The following PCTP variants were observed in gnomAD, a reference collection of about 807,000 sequenced individuals.
The protein encoded by PCTP is phosphatidylcholine transfer protein.
PCTP carries 27 observed loss-of-function variants against 31.0 expected under a neutral mutation model. The observed-to-expected ratio is 0.87, with a 90% CI of 0.64 to 1.20. The LOEUF (loss-of-function observed/expected upper bound fraction) is 1.20, where lower values mean the gene tolerates loss of function less well. Ranked by LOEUF, PCTP falls within the 50% of genes most tolerant of loss-of-function variation. The pLI is 0.00. For missense variants in PCTP, 287 were observed against 268.2 expected (o/e 1.07, Z -0.49); for synonymous variants, 108 against 101.2 (o/e 1.07, Z -0.40).
chr17:55,777,649 T>A (rs994848308), downstream of PCTP, among the ~76,000 whole-genome samples: 1 of 152,228 alleles, frequency 6.6e-6, no homozygotes, highest in Non-Finnish European at 1.5e-5. Context: ...TGCATCTTCC[T>A]AGGCTCATGC....
intron 1 of PCTP, chr17:55,751,487 G>A (rs1185732207): frequency 1.3e-6 from 2 of 1,526,434 alleles, no homozygotes; most frequent in Admixed American, 3.9e-5. Flanking sequence ...GGTCAGGCCC[G>A]ACGGGGCATG....
intron 3 of PCTP, among the ~76,000 whole-genome samples, chr17:55,800,722 T>TC (rs1223142311): frequency 6.6e-6 from 1 of 152,200 alleles, no homozygotes; most frequent in Non-Finnish European, 1.5e-5. Context: ...TATGGAATGT[T>TC]CAGCCTTTTT....
chr17:55,788,157 T>C (rs1214894333), intron 3 of PCTP, among the ~76,000 whole-genome samples: 4 of 152,234 alleles, frequency 2.6e-5, no homozygotes, highest in Non-Finnish European at 5.9e-5. Context: ...TGTACTTGTG[T>C]AATTGATTAC....
intron 3 of PCTP, among the ~76,000 whole-genome samples, chr17:55,810,524 T>C (rs1310594894): frequency 6.6e-6 from 1 of 152,210 alleles, no homozygotes; most frequent in African/African-American, 2.4e-5. Context: ...TCCTTCATTG[T>C]ATGTGAGCCT....
chr17:55,836,632 C>T (rs1409001634), intron 5 of PCTP, among the ~76,000 whole-genome samples: 1 of 152,194 alleles, frequency 6.6e-6, no homozygotes, highest in Admixed American at 6.5e-5. Context: ...GGGCCTAGGG[C>T]TAAACTATCA....
At chr17:55,805,338 T>C (rs1471660213) in intron 3 of PCTP, among the ~76,000 whole-genome samples, 1 of 152,112 alleles carries the variant, frequency 6.6e-6, no homozygotes. Context: ...CAGTAGGCAA[T>C]TTTTCAACCT....
intron 3 of PCTP, among the ~76,000 whole-genome samples, chr17:55,793,454 C>A (rs1356701429): frequency 3.9e-5 from 6 of 152,092 alleles, no homozygotes; most frequent in Admixed American, 3.9e-4. Context: ...ATCTTCTCTA[C>A]CTTTTTTGCC....
intron 3 of PCTP, among the ~76,000 whole-genome samples, chr17:55,802,593 C>T (rs1466487374): frequency 6.6e-6 from 1 of 152,016 alleles, no homozygotes; most frequent in Non-Finnish European, 1.5e-5. Flanking sequence ...TGTAATCCAT[C>T]ACATAAAACC....
chr17:55,823,661 T>C (rs1905304605), downstream of PCTP, among the ~76,000 whole-genome samples: 1 of 152,256 alleles, frequency 6.6e-6, no homozygotes, highest in Admixed American at 6.5e-5. Context: ...CAATCTTGTA[T>C]ATCAATTCCT....
intron 2 of PCTP, among the ~76,000 whole-genome samples, chr17:55,787,023 G>A (rs958390344): frequency 4.1e-5 from 6 of 146,686 alleles, no homozygotes; most frequent in Admixed American, 4.0e-4. Flanking sequence ...ATGCATGTGT[G>A]AGCATGTGTG....
At chr17:55,847,241 G>C (rs1906170349), downstream of PCTP, among the ~76,000 whole-genome samples, 2 of 152,286 alleles carry the variant, frequency 1.3e-5, no homozygotes, top group South Asian at 4.1e-4. Flanking sequence ...ATACTTCCAA[G>C]TATGTAGTTT....
intron 3 of PCTP, among the ~76,000 whole-genome samples, chr17:55,804,818 A>T (rs987777528): frequency 1.3e-5 from 2 of 152,174 alleles, no homozygotes; most frequent in African/African-American, 4.8e-5. Context: ...CTTATGTAAC[A>T]TACCACACGT....
At chr17:55,851,041 G>A in the PCTP span, among the ~76,000 whole-genome samples, 1 of 152,170 alleles carries the variant, frequency 6.6e-6, no homozygotes, top group African/African-American at 2.4e-5. Flanking sequence ...ACCAGATATG[G>A]AAACCAATAT....
Position 55,751,111 on chromosome 17 carries a change from TG to T in PCTP, c.10del (p.Ala4ProfsTer30). 1 of 1,540,586 alleles carries T rather than the reference TG, an allele frequency of 6.5e-7. No homozygotes were observed. The highest frequency in any genetic ancestry group is 8.7e-7 in the Non-Finnish European group (1 of 1,143,342). ...AGCCCGGACTGCGGAAGGATGGAGC[TG>T]GCCGCCGGAAGCTTCTCGGAGGAGC... ME[L>X]AAGSFSEEQF... On this transcript the variant is annotated frameshift_variant, in exon 1 of 6. Coordinates refer to ENST00000268896, the MANE Select transcript of PCTP (RefSeq NM_021213.4). LOFTEE classifies it high-confidence loss of function.
At chr17:55,775,268 TTTG>T in intron 5 of PCTP, 1 of 1,235,468 alleles carries the variant, frequency 8.1e-7, no homozygotes, top group Non-Finnish European at 1.0e-6. Context: ...AGCTTCCACT[TTTG>T]TTGTTGTTGC....
At chr17:55,818,093 G>A (rs571448038) in intron 3 of PCTP, among the ~76,000 whole-genome samples, 1 of 152,286 alleles carries the variant, frequency 6.6e-6, no homozygotes, top group African/African-American at 2.4e-5. Flanking sequence ...CATGAGAAAC[G>A]AATCCAAGGT....
Position 55,761,527 on chromosome 17 carries a change from T to C in PCTP, c.142-5808T>C, listed in dbSNP as rs572945815. Among the ~76,000 whole-genome samples the C allele has an allele frequency of 1.7e-3, 259 of 148,222 alleles. 2 individuals are homozygous for C. The highest frequency in any genetic ancestry group is 6.0e-3 in the African/African-American group (245 of 40,806). Reference sequence around the variant, plus strand: ...TACCTACTGGCATTATATATACACATATATATCTGCTGGTATTATATATAA... The same window carrying C: ...TACCTACTGGCATTATATATACACACATATATCTGCTGGTATTATATATAA... On this transcript the variant is annotated intron_variant, in intron 1 of 5. Coordinates refer to ENST00000268896, the MANE Select transcript of PCTP (RefSeq NM_021213.4).
At chr17:55,851,811 A>G in the PCTP span, among the ~76,000 whole-genome samples, 1 of 152,216 alleles carries the variant, frequency 6.6e-6, no homozygotes, top group Non-Finnish European at 1.5e-5. Flanking sequence ...AAAAACCTTA[A>G]TATTCTGCCA....
intron 1 of PCTP, among the ~76,000 whole-genome samples, chr17:55,766,711 G>A (rs1248186433): frequency 1.3e-5 from 2 of 152,036 alleles, no homozygotes; most frequent in East Asian, 1.9e-4. Flanking sequence ...GAATAGAGCC[G>A]CAGTAAACAT....
Sources: allele counts gnomAD v4.1 joint callset (sites outside exome capture counted in the v4.1 genomes callset), GRCh38; gene constraint gnomAD v4.1.1; transcripts MANE v1.5; gene names NCBI Gene and HGNC (gene_info 2026-07-23, HGNC 2026-07-21).